Variants in NRK observed in about 807,000 individuals in gnomAD.
NRK encodes Nik related kinase.
Under a neutral mutation model 125.2 loss-of-function variants are expected in NRK, and 67 were observed. That is an observed-to-expected ratio of 0.54 (90% CI 0.44 to 0.66). NRK has a LOEUF of 0.66. Among genes scored for constraint, NRK ranks in the 30% least tolerant of loss-of-function variants. The pLI is 0.00. For synonymous variants in NRK, 458 were observed against 429.0 expected (o/e 1.07, Z -0.84); for missense variants, 1,224 against 1,192.9 (o/e 1.03, Z -0.38).
chrX:105,899,673 A>G (rs2040130745), intron 8 of NRK, among the ~76,000 whole-genome samples: 2 of 111,650 alleles, frequency 1.8e-5, no homozygotes, highest in African/African-American at 6.5e-5. Flanking sequence ...TTAAGCATAG[A>G]CTATCACAAC....
intron 14 of NRK, among the ~76,000 whole-genome samples, chrX:105,915,174 ATACTTTCT>A (rs908808825): frequency 1.8e-5 from 2 of 110,684 alleles, no homozygotes; most frequent in Admixed American, 9.8e-5. Context: ...GCAGAAAAAC[ATACTTTCT>A]TACTTTCTTA....
chrX:105,945,881 G>T lies in NRK; in HGVS notation c.4069G>T (p.Asp1357Tyr). 8.3e-7 allele frequency: 1 copy of T among 1,208,485 alleles called. No homozygotes were observed. Among genetic ancestry groups the T allele is most frequent in the Non-Finnish European group, 1.1e-6 (1 of 893,071 alleles). The change falls in exon 25 of 29, where the codon GAT becomes TAT. Residue 1357 changes from aspartate to tyrosine, a missense_variant. By Grantham distance (160) the Asp-to-Tyr change is radical. Coordinates refer to ENST00000243300, the MANE Select transcript of NRK (RefSeq NM_198465.4). ...DESTAIKVCI[D>Y]QSADSEGDYM... The stretch of plus-strand genomic sequence containing the variant: ...TTTCATTCCCTACCAAGTATGCATT[G>T]ATCAATCAGCAGACTCTGAAGGAGA...
At chrX:105,898,118 C>G (rs1404165449) in intron 7 of NRK, among the ~76,000 whole-genome samples, 2 of 111,960 alleles carry the variant, frequency 1.8e-5, no homozygotes, top group Non-Finnish European at 1.9e-5. Context: ...GGAATTTAAA[C>G]TAAATTCTAG....
At chrX:105,893,190 T>C (rs1343336783) in intron 5 of NRK, among the ~76,000 whole-genome samples, 2 of 112,039 alleles carry the variant, frequency 1.8e-5, no homozygotes, top group South Asian at 3.7e-4. Flanking sequence ...ATTGAAGATA[T>C]TAGTTTTAAA....
In NRK at chrX:105,844,677, C is replaced by T. The variant is rs750033175; in HGVS notation, c.123+13558C>T. On this transcript the variant is annotated intron_variant, in intron 2 of 28. Coordinates refer to ENST00000243300, the MANE Select transcript of NRK (RefSeq NM_198465.4). ...ATTTCCTCTCCTTTTTTGAATCTGG[C>T]AGTGGTATGAGTGATAGGTGAGTTG... is the stretch of plus-strand genomic sequence containing the variant. 1.1e-4 allele frequency among the ~76,000 whole-genome samples: 12 copies of T among 111,391 alleles called. No homozygotes were observed. In the East Asian group the frequency reaches 2.8e-3, roughly 26 times the overall value.
Position 105,857,295 on chromosome X carries a change from T to C in NRK, c.124-22904T>C, listed in dbSNP as rs2039543047. 2.7e-5 allele frequency among the ~76,000 whole-genome samples: 3 copies of C among 111,761 alleles called. No individual in the cohort carries two copies. The South Asian group carries it at 1.1e-3, about 42-fold the overall frequency. On this transcript the variant is annotated intron_variant, in intron 2 of 28. Coordinates refer to ENST00000243300, the MANE Select transcript of NRK (RefSeq NM_198465.4). Reference sequence around the variant, plus strand: ...GGTACAGATCCATGTTCCACATTACTCTTTTAGCCAGTTACCCAGCAACCA... The same window carrying C: ...GGTACAGATCCATGTTCCACATTACCCTTTTAGCCAGTTACCCAGCAACCA...
chrX:105,914,068 A>T (rs1306282444), intron 14 of NRK, among the ~76,000 whole-genome samples: 1 of 110,475 alleles, frequency 9.1e-6, no homozygotes, highest in African/African-American at 3.3e-5. Flanking sequence ...TGAACAATCA[A>T]GTAGATTAGG....
chrX:105,873,458 C>A (rs1172917575), intron 2 of NRK, among the ~76,000 whole-genome samples: 1 of 111,316 alleles, frequency 9.0e-6, no homozygotes, highest in Non-Finnish European at 1.9e-5. Context: ...CTGGGCTTTG[C>A]ATCAGACCAT....
intron 2 of NRK, among the ~76,000 whole-genome samples, chrX:105,871,299 G>T (rs1294711830): frequency 9.0e-6 from 1 of 111,057 alleles, no homozygotes; most frequent in Non-Finnish European, 1.9e-5. Context: ...GCAACCTAGG[G>T]TCAATGAAAA....
chrX:105,902,816 T>G (rs991296729), intron 9 of NRK, among the ~76,000 whole-genome samples: 1 of 111,253 alleles, frequency 9.0e-6, no homozygotes, highest in African/African-American at 3.3e-5. Context: ...ATGCCTGCTG[T>G]TCTGAGATGG....
Position 105,895,470 on chromosome X carries a change from G to T in NRK, c.527G>T (p.Arg176Leu), listed in dbSNP as rs1261166799. The change falls in exon 7 of 29, where the codon CGG becomes CTG. Residue 176 changes from arginine (R) to leucine (L), a missense_variant. Transcript: ENST00000243300. Reference sequence around the variant, plus strand: ...CTTCACGCACACCGAGTAATTCACCGGGACATCAAAGGTCAGAATGTGCTG... The same window carrying T: ...CTTCACGCACACCGAGTAATTCACCTGGACATCAAAGGTCAGAATGTGCTG... The part of the protein sequence containing the change: ...AHLHAHRVIH[R>L]DIKGQNVLLT... 1.7e-6 allele frequency: 2 copies of T among 1,204,500 alleles called. No individual in the cohort carries two copies. Among genetic ancestry groups the T allele is most frequent in the Non-Finnish European group, 2.2e-6 (2 of 890,837 alleles).
At chrX:105,910,171 A>G (rs35024812) in intron 13 of NRK, among the ~76,000 whole-genome samples, 6,772 of 111,934 alleles carry the variant, frequency 0.06, 528 homozygotes, top group African/African-American at 0.21. Context: ...CACATTAAAA[A>G]TTACTATTTT....
chrX:105,944,814 AT>A (rs2040792523), intron 24 of NRK, among the ~76,000 whole-genome samples: 1 of 111,509 alleles, frequency 9.0e-6, no homozygotes, highest in Non-Finnish European at 1.9e-5. Flanking sequence ...CTCTAAACAC[AT>A]TTCTCTCTCT....
rs73533108 is a variant in NRK, at chrX:105,867,036, T to C, written c.124-13163T>C. On this transcript the variant is annotated intron_variant, in intron 2 of 28. Transcript: ENST00000243300. ...AGGATAGTGAAAACATATACCTTGG[T>C]ATAGTCTTGATGAGTTAATTAAAAA... 4.1e-3 allele frequency among the ~76,000 whole-genome samples: 452 copies of C among 111,265 alleles called. 3 individuals are homozygous for C. Among genetic ancestry groups the C allele is most frequent in the African/African-American group, 0.014 (433 of 30,685 alleles).
Position 105,945,962 on chromosome X carries a change from C to G in NRK, c.4150C>G (p.Pro1384Ala), listed in dbSNP as rs754007962. ...ACTGGCAAAAATACAGGCAGCTGAT[C>G]CAGTGAACCGGTTTAAGAGACCAGA... ...RILAKIQAAD[P>A]VNRFKRPDEL... Residue 1384 changes from proline to alanine, a missense_variant, in exon 25 of 29, where the codon CCA becomes GCA. Physicochemically the swap from Pro to Ala is conservative, Grantham distance 27 (BLOSUM62 -1). Transcript: ENST00000243300. 8.3e-7 allele frequency: 1 copy of G among 1,210,024 alleles called. No homozygotes were observed. Among genetic ancestry groups the G allele is most frequent in the Admixed American group, 2.2e-5 (1 of 45,908 alleles).
At chrX:105,912,353 A>G (rs1052610254) in intron 13 of NRK, among the ~76,000 whole-genome samples, 5 of 110,734 alleles carry the variant, frequency 4.5e-5, no homozygotes, top group Admixed American at 2.9e-4. Context: ...GATGAACTTC[A>G]GGAGGTCAGC....
chrX:105,841,117 C>T (rs767398574), intron 2 of NRK, among the ~76,000 whole-genome samples: 1 of 110,996 alleles, frequency 9.0e-6, no homozygotes. Context: ...CATACTTGTG[C>T]ATCTGTGTCT....
intron 1 of NRK, among the ~76,000 whole-genome samples, chrX:105,830,784 A>G (rs1177420896): frequency 9.6e-6 from 1 of 103,989 alleles, no homozygotes; most frequent in Non-Finnish European, 2.0e-5. Context: ...TTGAACAATG[A>G]GAACACTTGG....
intron 28 of NRK, 27 bp downstream of exon 28, chrX:105,953,200 C>A: frequency 9.6e-7 from 1 of 1,046,613 alleles, no homozygotes; most frequent in Non-Finnish European, 1.3e-6. Flanking sequence ...CCAGTTACAG[C>A]AAAAATAACG....
Sources: allele counts gnomAD v4.1 joint callset (sites outside exome capture counted in the v4.1 genomes callset), GRCh38; gene constraint gnomAD v4.1.1; transcripts MANE v1.5; gene names NCBI Gene and HGNC (gene_info 2026-07-23, HGNC 2026-07-21).